The following SCAMP1 variants were observed in gnomAD, a reference collection of about 807,000 sequenced individuals.
SCAMP1 encodes the protein secretory carrier-associated membrane protein 1.
Under a neutral mutation model 41.8 loss-of-function variants are expected in SCAMP1, and 15 were observed. The observed-to-expected ratio is 0.36, with a 90% CI of 0.24 to 0.55. The LOEUF is 0.55. Ranked by LOEUF, SCAMP1 falls within the 20% of genes least tolerant of loss-of-function variation. SCAMP1 has a pLI of 0.86. For missense variants in SCAMP1, 341 were observed against 412.6 expected, an observed-to-expected ratio of 0.83 and a Z score of 1.50; for synonymous variants, 135 against 136.8, an observed-to-expected ratio of 0.99 and a Z score of 0.09.
chr5:78,416,259 A>G (rs1188796834), intron 3 of SCAMP1, among the ~76,000 whole-genome samples: 2 of 151,956 alleles, frequency 1.3e-5, no homozygotes, highest in Admixed American at 6.6e-5. Context: ...TCTTAATTTC[A>G]TTTTCCAGAT....
At chr5:78,407,390 T>C (rs1015939705) in intron 2 of SCAMP1, among the ~76,000 whole-genome samples, 3 of 152,228 alleles carry the variant, frequency 2.0e-5, no homozygotes, top group Non-Finnish European at 4.4e-5. Context: ...GCATTGTTGC[T>C]GTTGAGAAGC....
At chr5:78,377,375 T>A (rs781469201) in intron 1 of SCAMP1, among the ~76,000 whole-genome samples, 6 of 152,168 alleles carry the variant, frequency 3.9e-5, no homozygotes, top group Non-Finnish European at 8.8e-5. Flanking sequence ...CTACTGCTGC[T>A]GTTATAGTTC....
intron 8 of SCAMP1, among the ~76,000 whole-genome samples, chr5:78,474,626 T>A (rs1291336036): frequency 2.6e-5 from 4 of 152,188 alleles, no homozygotes; most frequent in African/African-American, 9.6e-5. Flanking sequence ...GGCCCTTCCC[T>A]AAGCCTGCTT....
rs141989832 is a variant in SCAMP1, at chr5:78,469,890, T to TAAAAAAAAAAAAA, written c.853-5604_853-5592dup. Among the ~76,000 whole-genome samples the TAAAAAAAAAAAAA allele has an allele frequency of 4.7e-4, 7 of 15,028 alleles. 2 individuals carry two copies. The highest frequency in any genetic ancestry group is 4.4e-3 in the Admixed American group (4 of 916). The allele number at this position is 15,028 out of a possible 152,430, so 9.9% of individuals were successfully genotyped here. A position where few individuals can be genotyped will look rare whatever the true frequency, so the allele number is the denominator to read the frequency against. On this transcript the variant is annotated intron_variant, in intron 8 of 8. Transcript: ENST00000621999. ...TACCCTCCAACCCCTTACAAGACAT[T>TAAAAAAAAAAAAA]AAAAAAAAAAAAAAAAAAAAAACAA...
At chr5:78,401,322 A>G (rs940661166) in intron 2 of SCAMP1, among the ~76,000 whole-genome samples, 1 of 152,062 alleles carries the variant, frequency 6.6e-6, no homozygotes, top group African/African-American at 2.4e-5. Context: ...TTGGTTTGAT[A>G]TGAGGGTATT....
intron 6 of SCAMP1, among the ~76,000 whole-genome samples, chr5:78,438,758 C>A (rs1204046065): frequency 1.3e-5 from 2 of 152,128 alleles, no homozygotes; most frequent in Admixed American, 1.3e-4. Flanking sequence ...AGTTCAAGTC[C>A]TGGATATCCT....
intron 7 of SCAMP1, among the ~76,000 whole-genome samples, chr5:78,451,021 A>C (rs976297862): frequency 9.2e-5 from 14 of 152,218 alleles, no homozygotes; most frequent in African/African-American, 3.1e-4. Context: ...AATGTTTTAA[A>C]TGTTTAATTA....
At chr5:78,391,945 G>A (rs1030959079) in intron 2 of SCAMP1, among the ~76,000 whole-genome samples, 10 of 152,108 alleles carry the variant, frequency 6.6e-5, no homozygotes, top group South Asian at 2.1e-4. Context: ...GCAGTGAGCC[G>A]AGATGGCAGC....
At chr5:78,449,680 A>C (rs1032770421) in intron 6 of SCAMP1, among the ~76,000 whole-genome samples, 8 of 152,214 alleles carry the variant, frequency 5.3e-5, no homozygotes, top group African/African-American at 1.7e-4. Flanking sequence ...ATTGTGGTGC[A>C]GTTGGAAATT....
chr5:78,362,254 G>A (rs917503174), intron 1 of SCAMP1, among the ~76,000 whole-genome samples: 19 of 152,198 alleles, frequency 1.2e-4, no homozygotes, highest in African/African-American at 4.6e-4. Context: ...GAACCTTTTA[G>A]CCTTTCCTAA....
chr5:78,448,200 TTTTTTTTTA>T (rs1471462557), intron 6 of SCAMP1, among the ~76,000 whole-genome samples: 4 of 137,352 alleles, frequency 2.9e-5, no homozygotes, highest in Non-Finnish European at 4.7e-5. Context: ...TTTTTTTTTG[TTTTTTTTTA>T]AAATAAAGAT....
chr5:78,472,929 C>G (rs1753920327), intron 8 of SCAMP1, among the ~76,000 whole-genome samples: 1 of 152,106 alleles, frequency 6.6e-6, no homozygotes. Flanking sequence ...TTGCATTGCT[C>G]TGGTTTGGTC....
chr5:78,395,835 T>C (rs1751637200), intron 2 of SCAMP1, among the ~76,000 whole-genome samples: 1 of 152,230 alleles, frequency 6.6e-6, no homozygotes, highest in African/African-American at 2.4e-5. Flanking sequence ...AGAGGGAGTT[T>C]ATATAATGTA....
chr5:78,459,601 A>G (rs1753532438), intron 8 of SCAMP1, among the ~76,000 whole-genome samples: 1 of 152,134 alleles, frequency 6.6e-6, no homozygotes. Context: ...GAAGGCTTTC[A>G]TGAGTTAAAG....
At chr5:78,474,714 T>C (rs1217448988) in intron 8 of SCAMP1, among the ~76,000 whole-genome samples, 11 of 152,174 alleles carry the variant, frequency 7.2e-5, no homozygotes. Flanking sequence ...CTGTCCCCAC[T>C]CTGCGAAGTT....
chr5:78,456,509 G>A (rs972237117), intron 7 of SCAMP1, among the ~76,000 whole-genome samples: 11 of 151,442 alleles, frequency 7.3e-5, no homozygotes, highest in African/African-American at 2.7e-4. Context: ...GTTGAATATT[G>A]GCCCCCACTC....
In SCAMP1 at chr5:78,448,674, G is replaced by A. The variant is rs373543618; in HGVS notation, c.633-1259G>A. Among the ~76,000 whole-genome samples the A allele has an allele frequency of 9.2e-5, 14 of 152,256 alleles. No homozygotes were observed. In the East Asian group the frequency reaches 2.5e-3, roughly 27 times the overall value. ...AGTGTTAATGAGATGTGGAGGAGCTGGAATACTCATGTACTGCCAGTGGGG... is the reference window on the plus strand; with the variant it reads ...AGTGTTAATGAGATGTGGAGGAGCTAGAATACTCATGTACTGCCAGTGGGG... On this transcript the variant is annotated intron_variant, in intron 6 of 8. Coordinates refer to ENST00000621999, the MANE Select transcript of SCAMP1 (RefSeq NM_004866.6).
intron 6 of SCAMP1, among the ~76,000 whole-genome samples, chr5:78,425,598 A>G (rs1162082825): frequency 6.6e-6 from 1 of 152,118 alleles, no homozygotes; most frequent in African/African-American, 2.4e-5. Context: ...TTTTGGTAAA[A>G]TAAAGACCTG....
At chr5:78,469,913 C>CAAAAAAAAA (rs1561290939) in intron 8 of SCAMP1, among the ~76,000 whole-genome samples, 11 of 23,226 alleles carry the variant, frequency 4.7e-4, no homozygotes, top group African/African-American at 7.8e-4. Flanking sequence ...AAAAAAAAAA[C>CAAAAAAAAA]AAAAAAAAAA....
Sources: allele counts gnomAD v4.1 joint callset (sites outside exome capture counted in the v4.1 genomes callset), GRCh38; gene constraint gnomAD v4.1.1; transcripts MANE v1.5; gene names NCBI Gene and HGNC (gene_info 2026-07-23, HGNC 2026-07-21).